SIRPB1: variants seen among roughly 807,000 people sequenced by gnomAD.
The protein encoded by SIRPB1 is signal-regulatory protein beta-1.
In SIRPB1, 28 loss-of-function variants were observed where a neutral mutation model predicts 34.1. The ratio of observed to expected loss-of-function variants is 0.82; its 90% CI spans 0.61 to 1.12. The LOEUF is 1.12. SIRPB1 is among the 50% of genes most tolerant of loss of function. The pLI, the probability that SIRPB1 is intolerant of heterozygous loss-of-function variation, is 0.00. For missense variants in SIRPB1, 499 were observed against 507.0 expected (o/e 0.98, Z 0.15); for synonymous variants, 211 against 203.8 (o/e 1.04, Z -0.30).
rs138828516 is a variant in SIRPB1, at chr20:1,580,323, T to G, written c.77-1629A>C. On this transcript the variant is annotated intron_variant, in intron 1 of 5. Transcript: ENST00000381605. ...TTCAATGTCCTTCTCCAAGAATTAATCTTCCTCCTTCTTATAAGCACCCTT... is the reference window on the plus strand; with the variant it reads ...TTCAATGTCCTTCTCCAAGAATTAAGCTTCCTCCTTCTTATAAGCACCCTT... Among the ~76,000 whole-genome samples, 3 of 147,056 alleles carry G rather than the reference T, an allele frequency of 2.0e-5. No individual in the cohort carries two copies. In the East Asian group the frequency reaches 5.8e-4, roughly 28 times the overall value.
Position 1,571,031 on chromosome 20 carries a change from C to T in SIRPB1, c.858G>A (p.Trp286Ter), listed in dbSNP as rs531923164. Reference sequence around the variant, plus strand: ...TCCGGGACACATTTCCATTCTCCAACCAGGTCAGCTGTAGTCCCCGGGGGT... The same window carrying T: ...TCCGGGACACATTTCCATTCTCCAATCAGGTCAGCTGTAGTCCCCGGGGGT... ...NFYPRGLQLT[W>*]LENGNVSRTE... The change falls in exon 4 of 6, where the codon TGG (tryptophan) becomes TGA (stop). Residue 286 changes from tryptophan (W) to a stop codon, truncating the protein, a stop_gained. Transcript: ENST00000381605. LOFTEE classifies it high-confidence loss of function. The T allele has an allele frequency of 8.9e-5, 143 of 1,614,100 alleles. No homozygotes were observed. The highest frequency in any genetic ancestry group is 1.1e-4 in the Non-Finnish European group (133 of 1,180,044).
intron 4 of SIRPB1, among the ~76,000 whole-genome samples, chr20:1,566,723 G>A (rs1321638798): frequency 6.6e-6 from 1 of 152,174 alleles, no homozygotes. Context: ...AACACTCCAG[G>A]ATCATGAGAA....
At chr20:1,613,543 A>T (rs1250056613) in intron 1 of SIRPB1, among the ~76,000 whole-genome samples, 1 of 151,768 alleles carries the variant, frequency 6.6e-6, no homozygotes, top group Non-Finnish European at 1.5e-5. Context: ...AAGAGAAATT[A>T]TAGGAAGAAA....
At position 1,565,008 on chromosome 20, in the gene SIRPB1, T is replaced by G. The variant is rs1366927414; in HGVS notation, c.*492A>C. The G allele has an allele frequency of 5.0e-6, 2 of 398,498 alleles. No individual in the cohort carries two copies. Among genetic ancestry groups the G allele is most frequent in the African/African-American group, 2.1e-5 (1 of 48,622 alleles). 24.7% of individuals were successfully genotyped at this position (398,498 alleles called of 1,614,324 possible). ...AGAGAAGGGAGAGCTTCTTTCTTTT[T>G]GGGTTTGAGGGATAGGATGCTTGGA... On this transcript the variant is annotated 3_prime_UTR_variant, in exon 6 of 6. Transcript: ENST00000381605.
At chr20:1,566,921 C>T (rs956210352) in intron 4 of SIRPB1, among the ~76,000 whole-genome samples, 14 of 151,998 alleles carry the variant, frequency 9.2e-5, no homozygotes, top group East Asian at 1.9e-4. Flanking sequence ...GAATGTGCCT[C>T]GGGCTTGGAA....
chr20:1,616,509 T>G (rs1293391299), intron 1 of SIRPB1, among the ~76,000 whole-genome samples: 1 of 152,224 alleles, frequency 6.6e-6, no homozygotes, highest in African/African-American at 2.4e-5. Context: ...GATATCCATC[T>G]GTAGAGGAAT....
chr20:1,565,678 C>A (rs1812506536), intron 5 of SIRPB1, among the ~76,000 whole-genome samples, 181 bp from the exon 6 acceptor site: 1 of 150,274 alleles, frequency 6.7e-6, no homozygotes, highest in African/African-American at 2.5e-5. Flanking sequence ...CTCAGCACTT[C>A]TTCCAAGTCC....
In SIRPB1 at chr20:1,598,868, C is replaced by T; in HGVS notation, c.77-20174G>A. On this transcript the variant is annotated intron_variant, in intron 1 of 5. Coordinates refer to ENST00000381605, the MANE Select transcript of SIRPB1 (RefSeq NM_006065.5). ...TAGACATAGATGACAGAGACACCAA[C>T]CACCAGCAGCACCTTGGGGCCCAGG... 8.7e-6 allele frequency: 5 copies of T among 576,926 alleles called. 2 individuals are homozygous for T. Among genetic ancestry groups the T allele is most frequent in the Non-Finnish European group, 1.1e-5 (5 of 436,836 alleles). 35.7% of individuals were successfully genotyped at this position (576,926 alleles called of 1,614,324 possible). A position where few individuals can be genotyped will look rare whatever the true frequency, so the allele number is the denominator to read the frequency against.
intron 1 of SIRPB1, among the ~76,000 whole-genome samples, chr20:1,615,105 A>G (rs2091611552): frequency 6.6e-6 from 1 of 152,232 alleles, no homozygotes; most frequent in Non-Finnish European, 1.5e-5. Flanking sequence ...GCTTGTGGCA[A>G]CATATTCTTC....
intron 4 of SIRPB1, among the ~76,000 whole-genome samples, chr20:1,568,756 A>T (rs2254194): frequency 0.81 from 122,991 of 151,816 alleles, 50,216 homozygotes; most frequent in African/African-American, 0.9. Context: ...TCCCGCACTT[A>T]AAGAAACTAC....
At chr20:1,569,291 G>A (rs2091189532) in intron 4 of SIRPB1, among the ~76,000 whole-genome samples, 1 of 152,182 alleles carries the variant, frequency 6.6e-6, no homozygotes, top group Non-Finnish European at 1.5e-5. Flanking sequence ...CAGGAAAATG[G>A]TTCTAAAAAA....
At chr20:1,599,085 C>T in intron 1 of SIRPB1, 1 of 191,348 alleles carries the variant, frequency 5.2e-6, no homozygotes, top group Admixed American at 5.7e-5. Context: ...CTAGCTCCAA[C>T]CCAAGGCAGA....
intron 4 of SIRPB1, among the ~76,000 whole-genome samples, chr20:1,569,174 C>T (rs561896751): frequency 3.9e-5 from 6 of 152,276 alleles, no homozygotes; most frequent in African/African-American, 9.6e-5. Context: ...AAACTATTAA[C>T]GACATTGAAT....
At chr20:1,618,660 A>G (rs1230444600) in intron 1 of SIRPB1, among the ~76,000 whole-genome samples, 1 of 152,200 alleles carries the variant, frequency 6.6e-6, no homozygotes, top group Non-Finnish European at 1.5e-5. Context: ...AGCAGGGCCC[A>G]GTGGGGAATT....
chr20:1,612,910 G>A (rs1286707521), intron 1 of SIRPB1, among the ~76,000 whole-genome samples: 1 of 71,584 alleles, frequency 1.4e-5, no homozygotes, highest in Non-Finnish European at 2.6e-5. Context: ...GGAGGTGATG[G>A]GGAGGTCAAA....
intron 4 of SIRPB1, among the ~76,000 whole-genome samples, chr20:1,566,969 G>A (rs1223788727): frequency 1.3e-5 from 2 of 152,196 alleles, no homozygotes; most frequent in Non-Finnish European, 2.9e-5. Context: ...CAACCCCAGT[G>A]CAGATGTCAT....
chr20:1,578,767 T>C (rs538644535), intron 1 of SIRPB1, 73 bp from the exon 2 acceptor site: 2 of 1,281,600 alleles, frequency 1.6e-6, no homozygotes, highest in African/African-American at 1.4e-5. Context: ...TGTTTATCAA[T>C]GGCTTTCATT....
Position 1,577,600 on chromosome 20 carries a change from C to T in SIRPB1, c.433+738G>A, listed in dbSNP as rs771770035. 1.7e-4 allele frequency among the ~76,000 whole-genome samples: 25 copies of T among 147,098 alleles called. 3 individuals carry two copies. The highest frequency in any genetic ancestry group is 3.4e-4 in the Admixed American group (5 of 14,818). On this transcript the variant is annotated intron_variant, in intron 2 of 5. Transcript: ENST00000381605. ...CATTCTGAGATGATGCAGCTCTGCT[C>T]GGAGCCCATGGTAACTCTGTGACTC...
intron 1 of SIRPB1, among the ~76,000 whole-genome samples, chr20:1,619,633 A>G (rs1198523116): frequency 1.3e-5 from 2 of 152,180 alleles, no homozygotes; most frequent in Admixed American, 6.5e-5. Flanking sequence ...AAATATTATC[A>G]AAATGTAAGT....
Sources: gnomAD v4.1 joint callset for allele counts (sites outside exome capture counted in the v4.1 genomes callset) on GRCh38, gnomAD v4.1.1 for gene constraint, MANE v1.5 for transcripts, NCBI Gene and HGNC (gene_info 2026-07-23, HGNC 2026-07-21) for gene names.